SRBD1: variants seen among roughly 807,000 people sequenced by gnomAD.
SRBD1 encodes S1 RNA binding domain 1, also known as S1 RNA-binding domain-containing protein 1.
In SRBD1, 88 loss-of-function variants were observed where a neutral mutation model predicts 115.3. The ratio of observed to expected loss-of-function variants is 0.76; its 90% CI spans 0.64 to 0.91. SRBD1 has a LOEUF of 0.91. SRBD1 is among the 40% of genes least tolerant of loss of function. SRBD1 has a pLI of 0.00. For synonymous variants in SRBD1, 509 were observed against 407.7 expected (o/e 1.25, Z -2.99); for missense variants, 1,385 against 1,177.4 (o/e 1.18, Z -2.58).
intron 19 of SRBD1, among the ~76,000 whole-genome samples, chr2:45,393,704 C>A (rs1317934575): frequency 6.6e-6 from 1 of 152,142 alleles, no homozygotes; most frequent in African/African-American, 2.4e-5. Flanking sequence ...CTATAATATT[C>A]ATTATAAGTT....
chr2:45,390,040 G>A (rs887705042), intron 20 of SRBD1, among the ~76,000 whole-genome samples: 14 of 152,108 alleles, frequency 9.2e-5, no homozygotes, highest in African/African-American at 3.4e-4. Context: ...AAAGATGGTA[G>A]AAAGTACATC....
chr2:45,605,926 A>G (rs1225611700), intron 1 of SRBD1, among the ~76,000 whole-genome samples: 2 of 151,652 alleles, frequency 1.3e-5, no homozygotes, highest in African/African-American at 2.4e-5. Flanking sequence ...AAAAGAAAAA[A>G]AAAGAGTAGC....
At chr2:45,542,601 T>C (rs1263475833) in intron 14 of SRBD1, among the ~76,000 whole-genome samples, 1 of 152,224 alleles carries the variant, frequency 6.6e-6, no homozygotes, top group African/African-American at 2.4e-5. Flanking sequence ...GGTGGGAAAG[T>C]AAGATGGTAC....
chr2:45,508,178 A>C (rs1670854734), intron 14 of SRBD1, among the ~76,000 whole-genome samples: 1 of 152,060 alleles, frequency 6.6e-6, no homozygotes, highest in African/African-American at 2.4e-5. Flanking sequence ...AAATAACACA[A>C]ATTAGAAGAA....
intron 14 of SRBD1, among the ~76,000 whole-genome samples, chr2:45,513,318 C>A (rs1440161285): frequency 6.6e-6 from 1 of 151,630 alleles, no homozygotes; most frequent in Non-Finnish European, 1.5e-5. Flanking sequence ...AAAAAGATGT[C>A]CAGTTATAAT....
At chr2:45,428,467 C>T (rs372637435) in intron 16 of SRBD1, among the ~76,000 whole-genome samples, 5 of 152,040 alleles carry the variant, frequency 3.3e-5, no homozygotes, top group Non-Finnish European at 7.4e-5. Flanking sequence ...AGGAGAATGG[C>T]GTGAACCCGG....
chr2:45,547,736 C>T, intron 12 of SRBD1, 124 bp from the exon 13 acceptor site: 1 of 685,218 alleles, frequency 1.5e-6, no homozygotes, highest in Non-Finnish European at 2.4e-6. Flanking sequence ...GAAGTCTGAA[C>T]TATTCATATT....
Position 45,524,893 on chromosome 2 carries a change from T to C in SRBD1, c.1874+21839A>G, listed in dbSNP as rs1671394586. On this transcript the variant is annotated intron_variant, in intron 14 of 20. Coordinates refer to ENST00000263736, the MANE Select transcript of SRBD1 (RefSeq NM_018079.5). ...CATATTTTCCAATTTCAAAACTGAC[T>C]ATGAAACAATAAAAATCAAGACAGT... is the stretch of plus-strand genomic sequence containing the variant. Among the ~76,000 whole-genome samples the C allele has an allele frequency of 2.0e-5, 3 of 151,914 alleles. No individual in the cohort carries two copies. The South Asian group carries it at 6.2e-4, about 31-fold the overall frequency.
chr2:45,526,649 T>C (rs189698119), intron 14 of SRBD1, among the ~76,000 whole-genome samples: 28 of 151,944 alleles, frequency 1.8e-4, no homozygotes, highest in Admixed American at 5.9e-4. Context: ...AATAAATGAA[T>C]AAAGACTTCC....
At chr2:45,468,493 T>G (rs1669557793) in intron 16 of SRBD1, among the ~76,000 whole-genome samples, 1 of 151,874 alleles carries the variant, frequency 6.6e-6, no homozygotes, top group African/African-American at 2.4e-5. Flanking sequence ...GCCCAAGTGA[T>G]CCTTTCACCT....
At chr2:45,445,874 G>A (rs1668809024) in intron 16 of SRBD1, among the ~76,000 whole-genome samples, 2 of 152,178 alleles carry the variant, frequency 1.3e-5, no homozygotes, top group African/African-American at 4.8e-5. Context: ...GTAAAGGCCA[G>A]GGTGTTTTCC....
At chr2:45,585,998 T>A (rs1401400803) in intron 4 of SRBD1, among the ~76,000 whole-genome samples, 1 of 152,188 alleles carries the variant, frequency 6.6e-6, no homozygotes, top group African/African-American at 2.4e-5. Context: ...CAAACCACTG[T>A]ATCATTCAAA....
intron 10 of SRBD1, among the ~76,000 whole-genome samples, chr2:45,556,448 CTTTTTTTTTTTT>C (rs59284495): frequency 2.4e-4 from 19 of 78,820 alleles, no homozygotes; most frequent in African/African-American, 7.0e-4. Context: ...TGCTCTATTA[CTTTTTTTTTTTT>C]TTTTTTTTTT....
At chr2:45,469,535 G>A (rs1479784093) in intron 16 of SRBD1, among the ~76,000 whole-genome samples, 1 of 152,152 alleles carries the variant, frequency 6.6e-6, no homozygotes, top group Admixed American at 6.6e-5. Context: ...AAGTAATGGT[G>A]TTACACTAGG....
chr2:45,469,004 T>C (rs1479110759), intron 16 of SRBD1, among the ~76,000 whole-genome samples: 1 of 152,222 alleles, frequency 6.6e-6, no homozygotes, highest in Non-Finnish European at 1.5e-5. Flanking sequence ...TATTCTTTTG[T>C]ATCTCCTCTT....
intron 18 of SRBD1, among the ~76,000 whole-genome samples, chr2:45,414,957 CACACATAT>C (rs199500023): frequency 2.7e-5 from 3 of 112,172 alleles, no homozygotes; most frequent in Non-Finnish European, 5.5e-5. Flanking sequence ...TGTACATACA[CACACATAT>C]AGTGTGTATA....
At chr2:45,526,223 G>A (rs1410994322) in intron 14 of SRBD1, among the ~76,000 whole-genome samples, 2 of 151,906 alleles carry the variant, frequency 1.3e-5, no homozygotes, top group Non-Finnish European at 2.9e-5. Context: ...ACTAATAAAT[G>A]GATAAACAAA....
At chr2:45,551,386 A>G (rs1672295032) in intron 11 of SRBD1, 104 bp from the exon 12 acceptor site, 1 of 1,148,744 alleles carries the variant, frequency 8.7e-7, no homozygotes, top group Non-Finnish European at 1.2e-6. Flanking sequence ...AGGATAATTT[A>G]TTATAACAAT....
At chr2:45,495,659 C>A (rs559553544) in intron 14 of SRBD1, among the ~76,000 whole-genome samples, 79 of 152,180 alleles carry the variant, frequency 5.2e-4, no homozygotes, top group African/African-American at 1.8e-3. Context: ...AGACCTGATG[C>A]GTAAGTGGCA....
Sources: allele counts gnomAD v4.1 joint callset (sites outside exome capture counted in the v4.1 genomes callset), GRCh38; gene constraint gnomAD v4.1.1; transcripts MANE v1.5; gene names NCBI Gene and HGNC (gene_info 2026-07-23, HGNC 2026-07-21).